The following IL12RB1 variants were observed in gnomAD, a reference collection of about 807,000 sequenced individuals.
The protein encoded by IL12RB1 is interleukin-12 receptor subunit beta-1.
A neutral mutation model predicts 94.4 loss-of-function variants in IL12RB1; 64 were observed. The ratio of observed to expected loss-of-function variants is 0.68; its 90% CI spans 0.55 to 0.83. The LOEUF is 0.83. Ranked by LOEUF, IL12RB1 falls within the 40% of genes least tolerant of loss-of-function variation. The probability of loss-of-function intolerance (pLI) is 0.00; values close to 1 mark genes in which losing one functional copy is unlikely to be tolerated. For missense variants in IL12RB1, 814 were observed against 855.6 expected (o/e 0.95, Z 0.61); for synonymous variants, 362 against 355.5 (o/e 1.02, Z -0.21).
Position 18,059,094 on chromosome 19 carries a change from C to T in IL12RB1, c.*514G>A, listed in dbSNP as rs2033937141. ...GAGGCTCATTTACGATGATTTTGAA[C>T]AGCTGTGTAAGGTCATTATCACCAC... On this transcript the variant is annotated 3_prime_UTR_variant, in exon 17 of 17. Coordinates refer to ENST00000593993, the MANE Select transcript of IL12RB1 (RefSeq NM_005535.3). 2 of 149,226 alleles carry T rather than the reference C, an allele frequency of 1.3e-5. No homozygotes were observed. Among genetic ancestry groups the T allele is most frequent in the Admixed American group, 1.4e-4 (2 of 14,536 alleles). The allele number at this position is 149,226 out of a possible 1,614,324, so 9.2% of individuals were successfully genotyped here. A position where few individuals can be genotyped will look rare whatever the true frequency, so the allele number is the denominator to read the frequency against.
intron 1 of IL12RB1, chr19:18,097,977 C>G: frequency 1.7e-6 from 1 of 603,600 alleles, no homozygotes; most frequent in East Asian, 3.9e-5. Context: ...TCTTTTTGAC[C>G]ACCCGCTTCT....
chr19:18,066,237 A>T (rs1400980436), intron 12 of IL12RB1, among the ~76,000 whole-genome samples: 1 of 151,938 alleles, frequency 6.6e-6, no homozygotes, highest in East Asian at 2.0e-4. Context: ...CCTCCCGTGT[A>T]GCTAGAATTA....
chr19:18,076,367 G>A, intron 5 of IL12RB1, 40 bp from the exon 6 acceptor site: 2 of 1,080,330 alleles, frequency 1.9e-6, no homozygotes, highest in Non-Finnish European at 2.9e-6. Context: ...TTGCATTTTG[G>A]TGCTGAAAAA....
chr19:18,063,368 G>A (rs1279998161), intron 13 of IL12RB1, among the ~76,000 whole-genome samples: 1 of 151,918 alleles, frequency 6.6e-6, no homozygotes, highest in African/African-American at 2.4e-5. Flanking sequence ...AAAGTGCTGG[G>A]ATTACAGGTG....
In IL12RB1 at chr19:18,075,885, C is replaced by A; in HGVS notation, c.581-17G>T. 4 of 1,612,194 alleles carry A rather than the reference C, an allele frequency of 2.5e-6. No homozygotes were observed. Among genetic ancestry groups the A allele is most frequent in the Non-Finnish European group, 3.4e-6 (4 of 1,178,432 alleles). ...GGCAGGACTCTGGGGAGAGGCAGGT[C>A]GAACATCAGGCCGTAAGAATTGTCC... On this transcript the variant is annotated splice_polypyrimidine_tract_variant and intron_variant, in intron 6 of 16. Coordinates refer to ENST00000593993, the MANE Select transcript of IL12RB1 (RefSeq NM_005535.3).
upstream of IL12RB1, chr19:18,091,615 A>G (rs1027967059): frequency 6.6e-6 from 1 of 152,230 alleles, no homozygotes; most frequent in African/African-American, 2.4e-5. Flanking sequence ...TAACAAACTC[A>G]TAGGCATCAC....
At position 18,080,983 on chromosome 19, in the gene IL12RB1, G is replaced by C. The variant is rs2035859733; in HGVS notation, c.258C>G (p.Cys86Trp). The change falls in exon 4 of 17, where the codon TGC becomes TGG. Residue 86 changes from cysteine to tryptophan, a missense_variant. Transcript: ENST00000593993. The part of the protein sequence containing the change: ...FLRCCLSSGR[C>W]CYFAAGSATR... ...TGGCTGAGCCGGCGGCGAAGTAGCA[G>C]CAGCGCCCGGAGCTAAGGCTGCAGC... is the stretch of plus-strand genomic sequence containing the variant. The C allele has an allele frequency of 6.2e-7, 1 of 1,612,800 alleles. No individual in the cohort carries two copies. The highest frequency in any genetic ancestry group is 8.5e-7 in the Non-Finnish European group (1 of 1,179,836).
Position 18,068,377 on chromosome 19 carries a change from T to G in IL12RB1, c.1327+12A>C, listed in dbSNP as rs1433111528. The G allele has an allele frequency of 6.2e-7, 1 of 1,602,652 alleles. No homozygotes were observed. Among genetic ancestry groups the G allele is most frequent in the East Asian group, 2.2e-5 (1 of 44,752 alleles). ...AAAAAATAATGTAAACCTGCAGGTT[T>G]GGGTCACTTACCATTGCCCCCAAAG... On this transcript the variant is annotated intron_variant, in intron 11 of 16. Coordinates refer to ENST00000593993, the MANE Select transcript of IL12RB1 (RefSeq NM_005535.3).
At chr19:18,086,551 T>A (rs767009012) in intron 1 of IL12RB1, among the ~76,000 whole-genome samples, 1 of 152,168 alleles carries the variant, frequency 6.6e-6, no homozygotes, top group Non-Finnish European at 1.5e-5. Context: ...AAAAATTTAG[T>A]GCATTTCACA....
intron 4 of IL12RB1, among the ~76,000 whole-genome samples, chr19:18,079,104 ATT>A (rs562543069): frequency 5.0e-5 from 7 of 139,812 alleles, no homozygotes; most frequent in Non-Finnish European, 7.7e-5. Context: ...AACACTTAAA[ATT>A]TTTTTTTTTT....
intron 10 of IL12RB1, among the ~76,000 whole-genome samples, chr19:18,068,736 T>C (rs1297657264): frequency 1.4e-5 from 2 of 139,206 alleles, no homozygotes; most frequent in East Asian, 5.1e-4. Context: ...CCTTACTCCA[T>C]GGAACCAGGG....
At chr19:18,084,424 A>G (rs2036177302) in intron 1 of IL12RB1, among the ~76,000 whole-genome samples, 2 of 150,430 alleles carry the variant, frequency 1.3e-5, no homozygotes, top group African/African-American at 4.9e-5. Context: ...CCATCCATCC[A>G]TCCATCCCAC....
At chr19:18,089,787 C>A (rs535895920), upstream of IL12RB1, among the ~76,000 whole-genome samples, 6 of 152,294 alleles carry the variant, frequency 3.9e-5, no homozygotes, top group East Asian at 1.9e-4. Flanking sequence ...TTGTGCAATG[C>A]GGTTCAGCTT....
At chr19:18,083,211 C>G (rs1442843827) in intron 2 of IL12RB1, 2 of 635,830 alleles carry the variant, frequency 3.1e-6, no homozygotes, top group Non-Finnish European at 5.7e-6. Context: ...GCCCTGAGAC[C>G]ATGCTAGGGA....
Position 18,068,487 on chromosome 19 carries a change from T to G in IL12RB1, c.1229A>C (p.Gln410Pro), listed in dbSNP as rs777395626. The G allele has an allele frequency of 5.6e-6, 9 of 1,612,182 alleles. No homozygotes were observed. Among genetic ancestry groups the G allele is most frequent in the Non-Finnish European group, 8.5e-7 (1 of 1,178,362 alleles). The change falls in exon 11 of 17, where the codon CAG becomes CCG. Residue 410 changes from glutamine (Q) to proline (P), a missense_variant. Transcript: ENST00000593993. Reference sequence around the variant, plus strand: ...GATGGTAATGTAGTAACACTTTTCCTGCCCCATTGCCCCAGACTCTCGACT... The same window carrying G: ...GATGGTAATGTAGTAACACTTTTCCGGCCCCATTGCCCCAGACTCTCGACT... The part of the protein sequence containing the change: ...SWSRESGAMG[Q>P]EKCYYITIFA...
intron 1 of IL12RB1, among the ~76,000 whole-genome samples, chr19:18,092,354 G>A (rs952026974): frequency 1.1e-4 from 16 of 151,740 alleles, no homozygotes; most frequent in Non-Finnish European, 1.8e-4. Context: ...GCCGGGCATG[G>A]TGGCTCCTGT....
At chr19:18,089,624 CAA>C (rs751947388), upstream of IL12RB1, among the ~76,000 whole-genome samples, 11 of 113,432 alleles carry the variant, frequency 9.7e-5, no homozygotes, top group Non-Finnish European at 1.5e-4. Context: ...GACTATGTCT[CAA>C]AAAAAAAAAA....
At chr19:18,070,660 TG>T in intron 9 of IL12RB1, 1 of 354,928 alleles carries the variant, frequency 2.8e-6, no homozygotes, top group Non-Finnish European at 3.9e-6. Context: ...GGGACCAGGC[TG>T]GGTACGGTGG....
intron 7 of IL12RB1, 113 bp from the exon 8 acceptor site, chr19:18,073,712 C>T (rs2035244974): frequency 1.3e-6 from 1 of 763,342 alleles, no homozygotes; most frequent in African/African-American, 1.7e-5. Context: ...CCCTTGCTGC[C>T]CCAAATTGCA....
Sources: gnomAD v4.1 joint callset for allele counts (sites outside exome capture counted in the v4.1 genomes callset) on GRCh38, gnomAD v4.1.1 for gene constraint, MANE v1.5 for transcripts, NCBI Gene and HGNC (gene_info 2026-07-23, HGNC 2026-07-21) for gene names.